ZBTB44: variants seen among roughly 807,000 people sequenced by gnomAD.
The protein encoded by ZBTB44 is zinc finger and BTB domain containing 44.
In ZBTB44, 15 loss-of-function variants were observed where a neutral mutation model predicts 54.0. The ratio of observed to expected loss-of-function variants is 0.28; its 90% CI spans 0.19 to 0.43. The LOEUF is 0.43. Among genes scored for constraint, ZBTB44 ranks in the 20% least tolerant of loss-of-function variants. ZBTB44 has a pLI of 1.00. For synonymous variants in ZBTB44, 230 were observed against 250.1 expected (o/e 0.92, Z 0.76); for missense variants, 487 against 707.1 (o/e 0.69, Z 3.53).
At position 130,231,538 on chromosome 11, in the gene ZBTB44, T is replaced by G. The variant is rs1380641170; in HGVS notation, c.*226A>C. On this transcript the variant is annotated 3_prime_UTR_variant, in exon 8 of 8. Coordinates refer to ENST00000357899, the MANE Select transcript of ZBTB44 (RefSeq NM_001301098.2). ...ATTCTGAGAACACAGTCAGAATATC[T>G]TGGAGCTACCAACATTGTGCTTGGC... 2 of 152,290 alleles carry G rather than the reference T, an allele frequency of 1.3e-5. 1 individual carries two copies. The highest frequency in any genetic ancestry group is 6.8e-3 in the Middle Eastern group (2 of 294). The allele number at this position is 152,290 out of a possible 1,614,324, so 9.4% of individuals were successfully genotyped here. A position where few individuals can be genotyped will look rare whatever the true frequency, so the allele number is the denominator to read the frequency against.
intron 2 of ZBTB44, among the ~76,000 whole-genome samples, chr11:130,249,400 T>G (rs1188499158): frequency 6.6e-6 from 1 of 152,226 alleles, no homozygotes; most frequent in Non-Finnish European, 1.5e-5. Context: ...TGTGTGTTCA[T>G]GTAAATTCTT....
chr11:130,268,813 C>T (rs1041458555), intron 1 of ZBTB44, among the ~76,000 whole-genome samples: 10 of 151,478 alleles, frequency 6.6e-5, no homozygotes, highest in Non-Finnish European at 1.5e-4. Flanking sequence ...CTCCTGACCT[C>T]ATGTGATCCA....
intron 1 of ZBTB44, among the ~76,000 whole-genome samples, chr11:130,293,466 T>G: frequency 7.2e-6 from 1 of 139,712 alleles, no homozygotes. Context: ...AGCAAGATCT[T>G]GTATCAAAAA....
At chr11:130,278,931 A>T (rs1439807488) in intron 1 of ZBTB44, among the ~76,000 whole-genome samples, 1 of 152,186 alleles carries the variant, frequency 6.6e-6, no homozygotes, top group Non-Finnish European at 1.5e-5. Context: ...TCTCTCTCAC[A>T]CAGGCAGTTT....
intron 1 of ZBTB44, among the ~76,000 whole-genome samples, chr11:130,292,885 T>TA: frequency 6.6e-6 from 1 of 152,310 alleles, no homozygotes; most frequent in South Asian, 2.1e-4. Context: ...TTCTCACTAT[T>TA]AAGACTCTTT....
At chr11:130,257,755 C>T (rs1241777087) in intron 2 of ZBTB44, among the ~76,000 whole-genome samples, 7 of 152,152 alleles carry the variant, frequency 4.6e-5, no homozygotes, top group Non-Finnish European at 1.0e-4. Context: ...ATGGTCTTCC[C>T]GGTTCTCCAA....
chr11:130,241,749 GT>G (rs1954372422), intron 2 of ZBTB44, among the ~76,000 whole-genome samples: 1 of 151,132 alleles, frequency 6.6e-6, no homozygotes, highest in Non-Finnish European at 1.5e-5. Context: ...TTTTGGTCTT[GT>G]TTTTAAAAAA....
At chr11:130,255,794 C>A (rs1402700236) in intron 2 of ZBTB44, among the ~76,000 whole-genome samples, 2 of 150,410 alleles carry the variant, frequency 1.3e-5, no homozygotes, top group Non-Finnish European at 2.9e-5. Flanking sequence ...ACTAGAAAAT[C>A]TAGACGAAAA....
At chr11:130,276,151 G>A (rs574995387) in intron 1 of ZBTB44, among the ~76,000 whole-genome samples, 2 of 147,916 alleles carry the variant, frequency 1.4e-5, no homozygotes, top group South Asian at 2.1e-4. Context: ...GCTTGAACTC[G>A]GGAGGCAGAG....
chr11:130,301,769 C>T (rs1478539722), intron 1 of ZBTB44, among the ~76,000 whole-genome samples: 1 of 152,154 alleles, frequency 6.6e-6, no homozygotes, highest in Non-Finnish European at 1.5e-5. Flanking sequence ...TAACAATAGG[C>T]AAGGTGCAGT....
intron 1 of ZBTB44, among the ~76,000 whole-genome samples, chr11:130,302,109 C>T (rs1370011385): frequency 2.0e-5 from 3 of 151,624 alleles, no homozygotes; most frequent in Non-Finnish European, 4.4e-5. Flanking sequence ...TTACATAGTA[C>T]CCAATATGTG....
intron 1 of ZBTB44, among the ~76,000 whole-genome samples, chr11:130,264,334 G>A (rs1939094407): frequency 6.6e-6 from 1 of 152,126 alleles, no homozygotes; most frequent in African/African-American, 2.4e-5. Context: ...AGTGAAAGAA[G>A]AAAGTTGGGG....
In ZBTB44 at chr11:130,227,811, C is replaced by T. The variant is rs1338657637; in HGVS notation, c.*3953G>A. The T allele has an allele frequency of 6.6e-6, 1 of 152,002 alleles. No individual in the cohort carries two copies. The highest frequency in any genetic ancestry group is 1.5e-5 in the Non-Finnish European group (1 of 67,998). 9.4% of individuals were successfully genotyped at this position (152,002 alleles called of 1,614,324 possible). On this transcript the variant is annotated 3_prime_UTR_variant, in exon 8 of 8. Coordinates refer to ENST00000357899, the MANE Select transcript of ZBTB44 (RefSeq NM_001301098.2). ...TTCCTTCAAATCTGTGTCCTTTAAC[C>T]AAACAACAGTTTCTTCTATCACTTA...
chr11:130,271,635 G>C (rs1014197609), intron 1 of ZBTB44, among the ~76,000 whole-genome samples: 3 of 152,160 alleles, frequency 2.0e-5, no homozygotes, highest in Non-Finnish European at 4.4e-5. Context: ...ACTTCACTTA[G>C]TATAATGTTC....
At chr11:130,292,117 G>A (rs1433853011) in intron 1 of ZBTB44, among the ~76,000 whole-genome samples, 1 of 152,084 alleles carries the variant, frequency 6.6e-6, no homozygotes, top group East Asian at 1.9e-4. Context: ...TTTTATTGCT[G>A]AATACTATTT....
intron 1 of ZBTB44, among the ~76,000 whole-genome samples, chr11:130,304,256 T>G (rs1942148738): frequency 6.6e-6 from 1 of 152,212 alleles, no homozygotes; most frequent in Non-Finnish European, 1.5e-5. Flanking sequence ...GACTATCCGT[T>G]ACAGTTGTGA....
Position 130,255,918 on chromosome 11 carries a change from A to T in ZBTB44, c.1018+4938T>A, listed in dbSNP as rs112917245. 1.3e-3 allele frequency among the ~76,000 whole-genome samples: 144 copies of T among 108,614 alleles called. 2 individuals carry two copies. Among genetic ancestry groups the T allele is most frequent in the African/African-American group, 5.1e-3 (133 of 26,128 alleles). 71.3% of individuals were successfully genotyped at this position (108,614 alleles called of 152,430 possible). A position where few individuals can be genotyped will look rare whatever the true frequency, so the allele number is the denominator to read the frequency against. ...AACCTCAAAAAAAAAAAAAAAAAAA[A>T]AAACACCCCTTCATGCTATAAACTC... On this transcript the variant is annotated intron_variant, in intron 2 of 7. Transcript: ENST00000357899.
chr11:130,249,772 G>T (rs150041915), intron 2 of ZBTB44, among the ~76,000 whole-genome samples: 2 of 152,204 alleles, frequency 1.3e-5, no homozygotes, highest in African/African-American at 2.4e-5. Flanking sequence ...CGCAGACCAG[G>T]AGATTCCCTC....
Position 130,230,434 on chromosome 11 carries a change from T to TTTTTTG in ZBTB44, c.*1329_*1330insCAAAAA, listed in dbSNP as rs1555160018. Reference sequence around the variant, plus strand: ...GAAAGTTTTTTTTTTTTTTTTTTTTTGCTAGTTATTAAGAACAAAGGGCAT... The same window carrying TTTTTTG: ...GAAAGTTTTTTTTTTTTTTTTTTTTTTTTTTGGCTAGTTATTAAGAACAAAGGGCAT... On this transcript the variant is annotated 3_prime_UTR_variant, in exon 8 of 8. Coordinates refer to ENST00000357899, the MANE Select transcript of ZBTB44 (RefSeq NM_001301098.2). 1 of 145,118 alleles carries TTTTTTG rather than the reference T, an allele frequency of 6.9e-6. No homozygotes were observed. The allele number at this position is 145,118 out of a possible 1,614,324, so 9.0% of individuals were successfully genotyped here. A position where few individuals can be genotyped will look rare whatever the true frequency, so the allele number is the denominator to read the frequency against.
Sources: allele counts gnomAD v4.1 joint callset (sites outside exome capture counted in the v4.1 genomes callset), GRCh38; gene constraint gnomAD v4.1.1; transcripts MANE v1.5; gene names NCBI Gene and HGNC (gene_info 2026-07-23, HGNC 2026-07-21).